The following TLK1 variants were observed in gnomAD, a reference collection of about 807,000 sequenced individuals.
TLK1 encodes serine/threonine-protein kinase tousled-like 1.
Under a neutral mutation model 105.3 loss-of-function variants are expected in TLK1, and 24 were observed. The ratio of observed to expected loss-of-function variants is 0.23; its 90% CI spans 0.17 to 0.32. The LOEUF (loss-of-function observed/expected upper bound fraction) is 0.32. Among genes scored for constraint, TLK1 ranks in the 10% least tolerant of loss-of-function variants. The pLI is 1.00. For missense variants in TLK1, 558 were observed against 910.5 expected (o/e 0.61, Z 4.98); for synonymous variants, 321 against 310.4 (o/e 1.03, Z -0.36).
chr2:171,165,437 T>C (rs1376917042), upstream of TLK1, among the ~76,000 whole-genome samples: 1 of 152,226 alleles, frequency 6.6e-6, no homozygotes, highest in East Asian at 1.9e-4. Context: ...ATCTATAGGA[T>C]GATCATAATT....
At chr2:171,217,806 A>G (rs930845268) in intron 1 of TLK1, among the ~76,000 whole-genome samples, 1 of 152,238 alleles carries the variant, frequency 6.6e-6, no homozygotes, top group Non-Finnish European at 1.5e-5. Context: ...ATAAAGCAAT[A>G]ACAAAAATTT....
intron 11 of TLK1, among the ~76,000 whole-genome samples, chr2:171,045,027 T>A (rs1423228384): frequency 6.6e-6 from 1 of 151,922 alleles, no homozygotes; most frequent in Admixed American, 6.6e-5. Context: ...AAGGGATTTG[T>A]AATTGAGGGA....
chr2:171,075,321 C>G (rs190485505), intron 3 of TLK1, among the ~76,000 whole-genome samples: 18 of 152,192 alleles, frequency 1.2e-4, no homozygotes, highest in African/African-American at 4.1e-4. Context: ...AAATTAATAA[C>G]TCGAAAATCC....
Position 171,226,151 on chromosome 2 carries a change from T to A in TLK1, c.-6+4994A>T, listed in dbSNP as rs571396351. 3.4e-4 allele frequency among the ~76,000 whole-genome samples: 52 copies of A among 152,286 alleles called. 1 individual carries two copies. The highest frequency in any genetic ancestry group is 6.8e-3 in the Middle Eastern group (2 of 294). ...AAAATGGTGAAACATGTAGTGAGAA[T>A]GAGAAATAAGGCTTTATTGTAAACC... On this transcript the variant is annotated intron_variant, in intron 1 of 20. Transcript: ENST00000521943.
intron 2 of TLK1, among the ~76,000 whole-genome samples, chr2:171,083,173 C>T (rs1317970286): frequency 1.3e-5 from 2 of 152,086 alleles, no homozygotes; most frequent in East Asian, 1.9e-4. Context: ...AAAATTATTA[C>T]TCAATGTATT....
At chr2:171,217,358 A>C (rs1693734296) in intron 1 of TLK1, among the ~76,000 whole-genome samples, 1 of 152,204 alleles carries the variant, frequency 6.6e-6, no homozygotes, top group South Asian at 2.1e-4. Context: ...GGGAGGTATT[A>C]TTACTGAAGT....
At chr2:171,029,913 G>C (rs1466891450) in intron 11 of TLK1, among the ~76,000 whole-genome samples, 1 of 152,084 alleles carries the variant, frequency 6.6e-6, no homozygotes, top group African/African-American at 2.4e-5. Context: ...GCCTAGCTAA[G>C]TTTTGCATTT....
intron 16 of TLK1, 71 bp from the exon 17 acceptor site, chr2:171,006,714 G>C: frequency 3.1e-6 from 5 of 1,594,474 alleles, no homozygotes; most frequent in Non-Finnish European, 4.3e-6. Context: ...TGGGGAAATG[G>C]AGAGTATTTA....
chr2:171,015,733 C>CACACACACA (rs1685169621), intron 12 of TLK1, among the ~76,000 whole-genome samples: 1,061 of 8,136 alleles, frequency 0.13, 13 homozygotes, highest in Admixed American at 0.2. Context: ...ACACACACAC[C>CACACACACA]CACCCCTTTT....
At chr2:171,023,600 T>A (rs186818343) in intron 12 of TLK1, among the ~76,000 whole-genome samples, 5 of 152,316 alleles carry the variant, frequency 3.3e-5, no homozygotes, top group Non-Finnish European at 1.5e-5. Flanking sequence ...ACCCACATGC[T>A]GTTCATATCA....
At chr2:171,100,563 C>T (rs1689645110) in intron 2 of TLK1, among the ~76,000 whole-genome samples, 1 of 152,124 alleles carries the variant, frequency 6.6e-6, no homozygotes, top group Non-Finnish European at 1.5e-5. Flanking sequence ...TCGCAGCCTG[C>T]AGAGCCAAGA....
intron 1 of TLK1, among the ~76,000 whole-genome samples, chr2:171,228,592 T>G (rs1693940067): frequency 6.6e-6 from 1 of 152,178 alleles, no homozygotes; most frequent in South Asian, 2.1e-4. Flanking sequence ...ACTCTTTTAT[T>G]AAGTAGGTAT....
chr2:171,067,399 G>A (rs6711287), intron 3 of TLK1, among the ~76,000 whole-genome samples: 86,738 of 151,220 alleles, frequency 0.57, 26,745 homozygotes, highest in East Asian at 0.95. Context: ...TTGACCTTGT[G>A]ATCCACCCGC....
rs987682115 is a variant in TLK1, at chr2:170,992,517, G to A, written c.*1263C>T. 6.6e-6 allele frequency: 1 copy of A among 152,510 alleles called. No homozygotes were observed. Among genetic ancestry groups the A allele is most frequent in the African/African-American group, 2.4e-5 (1 of 41,432 alleles). 9.4% of individuals were successfully genotyped at this position (152,510 alleles called of 1,614,324 possible). The stretch of plus-strand genomic sequence containing the variant: ...TACAAACCACAAGAAATTTGCTTAT[G>A]GGACCATCTTGCTGATAAGAACTTT... On this transcript the variant is annotated 3_prime_UTR_variant, in exon 21 of 21. Coordinates refer to ENST00000431350, the MANE Select transcript of TLK1 (RefSeq NM_012290.5).
chr2:171,155,382 AT>A (rs1692194187), intron 1 of TLK1, among the ~76,000 whole-genome samples: 1 of 152,212 alleles, frequency 6.6e-6, no homozygotes, highest in African/African-American at 2.4e-5. Context: ...ATTTAGCAAG[AT>A]TTCATGAAGA....
intron 14 of TLK1, among the ~76,000 whole-genome samples, chr2:171,011,046 C>T (rs1232682637): frequency 6.6e-6 from 1 of 152,044 alleles, no homozygotes; most frequent in Non-Finnish European, 1.5e-5. Context: ...GCTCTGTCAC[C>T]CATACTAGAG....
intron 3 of TLK1, among the ~76,000 whole-genome samples, chr2:171,062,372 T>C (rs997294971): frequency 4.6e-5 from 7 of 152,202 alleles, no homozygotes; most frequent in African/African-American, 1.7e-4. Context: ...TGTCTCTGAG[T>C]GGGCCTACAA....
At chr2:171,041,251 G>C (rs971461075) in intron 11 of TLK1, among the ~76,000 whole-genome samples, 2 of 152,174 alleles carry the variant, frequency 1.3e-5, no homozygotes, top group African/African-American at 4.8e-5. Flanking sequence ...ACCATGCCAA[G>C]TACATGCATT....
intron 1 of TLK1, among the ~76,000 whole-genome samples, chr2:171,151,517 C>G (rs1692036310): frequency 6.8e-6 from 1 of 147,528 alleles, no homozygotes; most frequent in Non-Finnish European, 1.5e-5. Context: ...CTCTGTCGCC[C>G]AGGCTGGAGT....
Sources: allele counts gnomAD v4.1 joint callset (sites outside exome capture counted in the v4.1 genomes callset), GRCh38; gene constraint gnomAD v4.1.1; transcripts MANE v1.5; gene names NCBI Gene and HGNC (gene_info 2026-07-23, HGNC 2026-07-21).